The following FAT3 variants were observed in gnomAD, a reference collection of about 807,000 sequenced individuals.
FAT3 encodes the protein protocadherin Fat 3.
In FAT3, 95 loss-of-function variants were observed where a neutral mutation model predicts 310.2. The observed-to-expected ratio is 0.31, with a 90% CI of 0.26 to 0.36. FAT3 has a LOEUF of 0.36. Among genes scored for constraint, FAT3 ranks in the 10% least tolerant of loss-of-function variants. The pLI is 1.00. For synonymous variants in FAT3, 2,314 were observed against 2,192.9 expected, an observed-to-expected ratio of 1.06 and a Z score of -1.54; for missense variants, 5,408 against 5,715.6, an observed-to-expected ratio of 0.95 and a Z score of 1.74.
intron 1 of FAT3, among the ~76,000 whole-genome samples, chr11:92,230,484 G>T (rs1864129166): frequency 6.6e-6 from 1 of 151,992 alleles, no homozygotes; most frequent in Admixed American, 6.6e-5. Flanking sequence ...AGTAGACAGG[G>T]TGTTTCACCA....
intron 4 of FAT3, among the ~76,000 whole-genome samples, chr11:92,709,193 G>A (rs544656453): frequency 1.3e-5 from 2 of 152,254 alleles, no homozygotes; most frequent in South Asian, 4.1e-4. Context: ...CCCCTTTAAG[G>A]TCTTAAATTG....
chr11:92,521,737 TG>T (rs776780148), intron 2 of FAT3, among the ~76,000 whole-genome samples: 1 of 152,152 alleles, frequency 6.6e-6, no homozygotes, highest in Non-Finnish European at 1.5e-5. Context: ...GTTACCAACA[TG>T]GTGTCCTTAT....
At chr11:92,437,598 C>T (rs892722593) in intron 2 of FAT3, among the ~76,000 whole-genome samples, 13 of 152,170 alleles carry the variant, frequency 8.5e-5, no homozygotes, top group African/African-American at 2.9e-4. Flanking sequence ...ATGGAGAAAT[C>T]CACTCTGAGC....
chr11:92,676,274 C>T (rs992478785), intron 3 of FAT3, among the ~76,000 whole-genome samples: 13 of 152,304 alleles, frequency 8.5e-5, no homozygotes, highest in African/African-American at 2.9e-4. Context: ...TATAATGCTT[C>T]AGGCTTCATG....
intron 2 of FAT3, among the ~76,000 whole-genome samples, chr11:92,497,869 G>A (rs1591369012): frequency 6.6e-6 from 1 of 152,090 alleles, no homozygotes; most frequent in East Asian, 1.9e-4. Context: ...ATACTTCTGG[G>A]GGAGACTTTT....
intron 2 of FAT3, among the ~76,000 whole-genome samples, chr11:92,440,203 G>C (rs1054733974): frequency 1.3e-5 from 2 of 152,148 alleles, no homozygotes; most frequent in Non-Finnish European, 2.9e-5. Flanking sequence ...CAGAGGCAAG[G>C]ATTGGGTGCA....
At chr11:92,525,032 CT>C in intron 3 of FAT3, 84 bp downstream of exon 3, 1 of 1,142,812 alleles carries the variant, frequency 8.8e-7, no homozygotes. Context: ...TACTCATTTA[CT>C]TTATTTTCTA....
chr11:92,226,409 G>A (rs1032445922), intron 1 of FAT3, among the ~76,000 whole-genome samples: 1 of 152,062 alleles, frequency 6.6e-6, no homozygotes, highest in Non-Finnish European at 1.5e-5. Flanking sequence ...GTGGGCGGGG[G>A]GTGGCGGGGG....
chr11:92,243,800 AAC>A (rs1402594913), intron 1 of FAT3, among the ~76,000 whole-genome samples: 13 of 152,190 alleles, frequency 8.5e-5, no homozygotes, highest in African/African-American at 2.9e-4. Context: ...CCAGATTCCA[AAC>A]CATGAAATTT....
chr11:92,423,592 C>A (rs892782298), intron 2 of FAT3, among the ~76,000 whole-genome samples: 1 of 152,162 alleles, frequency 6.6e-6, no homozygotes, highest in Non-Finnish European at 1.5e-5. Flanking sequence ...AATATGGTCA[C>A]TTTGCCTGTT....
Position 92,799,170 on chromosome 11 carries a change from G to T in FAT3, c.6157G>T (p.Val2053Leu), listed in dbSNP as rs772353006. The change falls in exon 10 of 28, where the codon GTG becomes TTG. Residue 2053 changes from valine (V) to leucine (L), a missense_variant. Coordinates refer to ENST00000525166, the MANE Select transcript of FAT3 (RefSeq NM_001367949.2). ...DREEQELYEL[V>L]VEASRELDHL... ...TGAAGAACAAGAGTTATATGAGCTGGTGGTAGAAGCCAGCCGTGAGCTGGA... is the reference window on the plus strand; with the variant it reads ...TGAAGAACAAGAGTTATATGAGCTGTTGGTAGAAGCCAGCCGTGAGCTGGA... 3.1e-6 allele frequency: 5 copies of T among 1,613,974 alleles called. No homozygotes were observed. Among genetic ancestry groups the T allele is most frequent in the Non-Finnish European group, 4.2e-6 (5 of 1,179,864 alleles).
intron 1 of FAT3, among the ~76,000 whole-genome samples, chr11:92,225,896 C>T (rs1863884475): frequency 6.6e-6 from 1 of 152,076 alleles, no homozygotes; most frequent in African/African-American, 2.4e-5. Flanking sequence ...GAATGCTTTG[C>T]GAGAGTGCAT....
chr11:92,432,539 G>A (rs1336948946), intron 2 of FAT3, among the ~76,000 whole-genome samples: 1 of 152,134 alleles, frequency 6.6e-6, no homozygotes, highest in Non-Finnish European at 1.5e-5. Flanking sequence ...AGGTCTGCTG[G>A]AGTTTGCTGG....
chr11:92,617,614 T>C (rs2135652322), intron 3 of FAT3, among the ~76,000 whole-genome samples: 1 of 152,274 alleles, frequency 6.6e-6, no homozygotes, highest in East Asian at 1.9e-4. Context: ...TCTTTATGGT[T>C]TTATCTACCT....
chr11:92,716,146 C>T (rs1485039500), intron 4 of FAT3, among the ~76,000 whole-genome samples: 6 of 152,082 alleles, frequency 3.9e-5, no homozygotes, highest in African/African-American at 1.4e-4. Context: ...TGCTATCCAA[C>T]TGCAGGTAGT....
At chr11:92,808,025 A>G (rs1201666209) in intron 12 of FAT3, among the ~76,000 whole-genome samples, 1 of 152,202 alleles carries the variant, frequency 6.6e-6, no homozygotes, top group Non-Finnish European at 1.5e-5. Flanking sequence ...AAGAGGTTGC[A>G]TCCTACAAGG....
At chr11:92,508,488 T>G (rs1953187747) in intron 2 of FAT3, among the ~76,000 whole-genome samples, 1 of 152,192 alleles carries the variant, frequency 6.6e-6, no homozygotes, top group Admixed American at 6.5e-5. Flanking sequence ...TCTTTTTGCC[T>G]TGGAGAAAAA....
intron 2 of FAT3, among the ~76,000 whole-genome samples, chr11:92,505,080 G>A (rs372499330): frequency 6.6e-6 from 1 of 152,204 alleles, no homozygotes; most frequent in African/African-American, 2.4e-5. Flanking sequence ...TGAGGTATCT[G>A]GAGTAGACAG....
chr11:92,634,483 C>T (rs1019469136), intron 3 of FAT3, among the ~76,000 whole-genome samples: 3 of 152,192 alleles, frequency 2.0e-5, no homozygotes, highest in African/African-American at 4.8e-5. Flanking sequence ...CATCTTCACT[C>T]AGCTGGACAA....
Sources: allele counts gnomAD v4.1 joint callset (sites outside exome capture counted in the v4.1 genomes callset), GRCh38; gene constraint gnomAD v4.1.1; transcripts MANE v1.5; gene names NCBI Gene and HGNC (gene_info 2026-07-23, HGNC 2026-07-21).